Variants in CSMD1 observed in about 807,000 individuals in gnomAD.
The protein encoded by CSMD1 is CUB and Sushi multiple domains 1.
CSMD1 carries 213 observed loss-of-function variants against 417.5 expected under a neutral mutation model. The observed-to-expected ratio is 0.51, with a 90% CI of 0.46 to 0.57. The LOEUF (loss-of-function observed/expected upper bound fraction) is 0.57. Among genes scored for constraint, CSMD1 ranks in the 20% least tolerant of loss-of-function variants. The pLI, the probability that CSMD1 is intolerant of heterozygous loss-of-function variation, is 0.00. For missense variants in CSMD1, 6,923 were observed against 4,529.7 expected (o/e 1.53, Z -15.17); for synonymous variants, 2,862 against 1,736.8 (o/e 1.65, Z -16.11).
In CSMD1 at chr8:4,266,584, T is replaced by C. The variant is rs1198245486; in HGVS notation, c.415+153369A>G. ...AAAACAATTTTAAACAAGTACACCA[T>C]ACAGGTATGTCCCCACTAATGGCGT... On this transcript the variant is annotated intron_variant, in intron 3 of 69. Coordinates refer to ENST00000635120, the MANE Select transcript of CSMD1 (RefSeq NM_033225.6). Among the ~76,000 whole-genome samples the C allele has an allele frequency of 1.0e-4, 11 of 105,230 alleles. 3 individuals are homozygous for C. The highest frequency in any genetic ancestry group is 1.8e-4 in the African/African-American group (7 of 38,506). 69.0% of individuals were successfully genotyped at this position (105,230 alleles called of 152,430 possible). A position where few individuals can be genotyped will look rare whatever the true frequency, so the allele number is the denominator to read the frequency against.
chr8:4,330,271 C>T (rs930554467), intron 3 of CSMD1, among the ~76,000 whole-genome samples: 1 of 131,632 alleles, frequency 7.6e-6, no homozygotes, highest in Non-Finnish European at 1.8e-5. Context: ...TCTGGTTGTA[C>T]TCTTCTACAA....
At chr8:3,101,994 G>A (rs977925552) in intron 46 of CSMD1, among the ~76,000 whole-genome samples, 25 of 151,816 alleles carry the variant, frequency 1.6e-4, no homozygotes, top group Non-Finnish European at 2.4e-4. Context: ...TAGAGACAGC[G>A]TTTCACCATG....
At position 4,637,539 on chromosome 8, in the gene CSMD1, T is replaced by A; in HGVS notation, c.105A>T (p.Leu35Phe). ...CAATAGTGCCATTGGGACCCTGGAC[T>A]AAGCCTCCACAGTTCTGACCTGGAA... Reference protein sequence around the residue: ...TAAKGQNCGGLVQGPNGTIES... With the variant: ...TAAKGQNCGGFVQGPNGTIES... Residue 35 changes from leucine to phenylalanine, a missense_variant, in exon 2 of 70, where the codon TTA becomes TTT. Physicochemically the swap from Leu to Phe is conservative, Grantham distance 22. Transcript: ENST00000635120. 6.2e-7 allele frequency: 1 copy of A among 1,603,284 alleles called. No individual in the cohort carries two copies. The highest frequency in any genetic ancestry group is 8.5e-7 in the Non-Finnish European group (1 of 1,173,548).
intron 1 of CSMD1, among the ~76,000 whole-genome samples, chr8:4,827,430 G>A (rs1003560405): frequency 5.9e-5 from 9 of 152,116 alleles, no homozygotes; most frequent in African/African-American, 1.9e-4. Context: ...AAGCTCGACA[G>A]AAACTCTCTT....
intron 1 of CSMD1, among the ~76,000 whole-genome samples, chr8:4,957,087 G>C (rs1008393494): frequency 1.3e-5 from 2 of 152,210 alleles, no homozygotes; most frequent in Non-Finnish European, 2.9e-5. Context: ...TATGCTAGAA[G>C]TATGAATTTT....
intron 5 of CSMD1, among the ~76,000 whole-genome samples, chr8:3,872,820 A>G (rs1805565657): frequency 1.3e-5 from 2 of 149,364 alleles, no homozygotes; most frequent in Admixed American, 1.3e-4. Flanking sequence ...ACTTAAACAA[A>G]TTTACAATAA....
chr8:3,141,822 G>A (rs1238387228), intron 41 of CSMD1, among the ~76,000 whole-genome samples: 1 of 149,034 alleles, frequency 6.7e-6, no homozygotes, highest in South Asian at 2.1e-4. Context: ...TTCTGAGATG[G>A]AGTCTGGCTC....
At chr8:4,680,176 C>T (rs535275223) in intron 1 of CSMD1, among the ~76,000 whole-genome samples, 1 of 152,160 alleles carries the variant, frequency 6.6e-6, no homozygotes, top group East Asian at 1.9e-4. Context: ...CAGACCTGTT[C>T]TTAGGAATTT....
At chr8:3,815,581 A>G (rs1295181398) in intron 5 of CSMD1, among the ~76,000 whole-genome samples, 2 of 152,066 alleles carry the variant, frequency 1.3e-5, no homozygotes, top group African/African-American at 4.8e-5. Flanking sequence ...TTGAAATTAC[A>G]TAAAAATTAA....
At chr8:4,717,916 C>A (rs527562129) in intron 1 of CSMD1, among the ~76,000 whole-genome samples, 1 of 152,216 alleles carries the variant, frequency 6.6e-6, no homozygotes, top group South Asian at 2.1e-4. Context: ...AGTATTGATA[C>A]AGAAGAAGTA....
chr8:3,886,849 C>T (rs527680032), intron 5 of CSMD1, among the ~76,000 whole-genome samples: 1 of 152,280 alleles, frequency 6.6e-6, no homozygotes, highest in South Asian at 2.1e-4. Context: ...TCAAAACTTT[C>T]TGCCCTCAAT....
intron 5 of CSMD1, among the ~76,000 whole-genome samples, chr8:3,959,251 G>A (rs538102236): frequency 1.1e-4 from 17 of 152,210 alleles, no homozygotes; most frequent in Non-Finnish European, 1.2e-4. Flanking sequence ...TGTAATCCCA[G>A]CACTTTAGGA....
chr8:4,655,229 C>G (rs528792244), intron 1 of CSMD1, among the ~76,000 whole-genome samples: 1 of 151,980 alleles, frequency 6.6e-6, no homozygotes, highest in African/African-American at 2.4e-5. Context: ...ACCTGCAAAT[C>G]TTACCTTGGT....
chr8:4,699,829 G>C (rs977091508), intron 1 of CSMD1, among the ~76,000 whole-genome samples: 1 of 152,206 alleles, frequency 6.6e-6, no homozygotes, highest in Non-Finnish European at 1.5e-5. Flanking sequence ...TGCCGATGCA[G>C]AGAGTACAAG....
At chr8:3,366,062 T>A (rs1183508753) in intron 20 of CSMD1, among the ~76,000 whole-genome samples, 1 of 152,184 alleles carries the variant, frequency 6.6e-6, no homozygotes. Flanking sequence ...AAAAGTAGAA[T>A]AAATTACATG....
At chr8:3,637,365 C>G (rs989048379) in intron 7 of CSMD1, among the ~76,000 whole-genome samples, 1 of 152,048 alleles carries the variant, frequency 6.6e-6, no homozygotes, top group Non-Finnish European at 1.5e-5. Flanking sequence ...GTTTGGGCAA[C>G]ATAAAGACCT....
intron 1 of CSMD1, among the ~76,000 whole-genome samples, chr8:4,704,457 G>C (rs1052352438): frequency 6.6e-6 from 1 of 152,126 alleles, no homozygotes; most frequent in Non-Finnish European, 1.5e-5. Flanking sequence ...ATATTTGCTT[G>C]ACTGAAATTC....
chr8:4,962,605 C>A (rs1018698484), intron 1 of CSMD1, among the ~76,000 whole-genome samples: 4 of 152,058 alleles, frequency 2.6e-5, no homozygotes, highest in African/African-American at 9.7e-5. Context: ...TGATAAAGCA[C>A]CCCAGATGCC....
At chr8:3,744,784 C>T (rs558229273) in intron 6 of CSMD1, among the ~76,000 whole-genome samples, 3 of 150,456 alleles carry the variant, frequency 2.0e-5, no homozygotes, top group Non-Finnish European at 4.4e-5. Flanking sequence ...GTATATTTCT[C>T]TAGAATGAAT....
Sources: allele counts gnomAD v4.1 joint callset (sites outside exome capture counted in the v4.1 genomes callset), GRCh38; gene constraint gnomAD v4.1.1; transcripts MANE v1.5; gene names NCBI Gene and HGNC (gene_info 2026-07-23, HGNC 2026-07-21).